TAF3: variants seen among roughly 807,000 people sequenced by gnomAD.
TAF3 encodes the protein transcription initiation factor TFIID subunit 3.
Under a neutral mutation model 80.6 loss-of-function variants are expected in TAF3, and 7 were observed. The ratio of observed to expected loss-of-function variants is 0.09; its 90% CI spans 0.05 to 0.16. TAF3 has a LOEUF of 0.16. Among genes scored for constraint, TAF3 ranks in the 10% least tolerant of loss-of-function variants. The pLI, the probability that TAF3 is intolerant of heterozygous loss-of-function variation, is 1.00. For missense variants in TAF3, 921 were observed against 1,140.2 expected, an observed-to-expected ratio of 0.81 and a Z score of 2.77; for synonymous variants, 444 against 446.1, an observed-to-expected ratio of 1.00 and a Z score of 0.06.
intron 4 of TAF3, among the ~76,000 whole-genome samples, chr10:7,996,201 G>C (rs1831885659): frequency 6.6e-6 from 1 of 152,134 alleles, no homozygotes; most frequent in South Asian, 2.1e-4. Flanking sequence ...TCTGCAAGCT[G>C]GTGACTGGGA....
At chr10:8,004,622 A>G (rs1283679228) in intron 4 of TAF3, among the ~76,000 whole-genome samples, 1 of 152,130 alleles carries the variant, frequency 6.6e-6, no homozygotes, top group East Asian at 1.9e-4. Flanking sequence ...TCTAGATTTC[A>G]TCATTGCTAA....
intron 3 of TAF3, 141 bp downstream of exon 3, chr10:7,965,883 A>G (rs1204642630): frequency 2.3e-6 from 3 of 1,303,726 alleles, no homozygotes; most frequent in Non-Finnish European, 3.0e-6. Context: ...TGAGGTTACA[A>G]AATTTGATTT....
intron 3 of TAF3, among the ~76,000 whole-genome samples, chr10:7,974,367 G>A (rs1176056824): frequency 2.0e-5 from 3 of 152,192 alleles, no homozygotes; most frequent in Admixed American, 2.0e-4. Context: ...TAAGATTTCA[G>A]TGTGATGAGA....
chr10:7,980,362 T>G (rs1831715123), intron 4 of TAF3, among the ~76,000 whole-genome samples: 1 of 152,198 alleles, frequency 6.6e-6, no homozygotes, highest in Non-Finnish European at 1.5e-5. Flanking sequence ...AAAAGTACTT[T>G]GAGCTTGGAT....
intron 4 of TAF3, among the ~76,000 whole-genome samples, chr10:7,980,237 A>G (rs1293196617): frequency 1.3e-5 from 2 of 152,186 alleles, no homozygotes; most frequent in Non-Finnish European, 2.9e-5. Context: ...GAAATTAGGA[A>G]AAACGAAAAA....
chr10:8,014,508 G>A, intron 6 of TAF3, 129 bp from the exon 7 acceptor site: 1 of 726,896 alleles, frequency 1.4e-6, no homozygotes, highest in Admixed American at 2.8e-5. Flanking sequence ...CTACACACAA[G>A]TTAGTGCTGC....
intron 3 of TAF3, among the ~76,000 whole-genome samples, chr10:7,967,169 G>A (rs764647603): frequency 6.6e-6 from 1 of 152,214 alleles, no homozygotes; most frequent in Non-Finnish European, 1.5e-5. Flanking sequence ...TTACACTGCA[G>A]AGAGACTTCA....
chr10:7,875,765 G>T (rs998867791), intron 2 of TAF3, among the ~76,000 whole-genome samples: 1 of 152,026 alleles, frequency 6.6e-6, no homozygotes, highest in African/African-American at 2.4e-5. Context: ...AAAAGAAAGA[G>T]GAGAAATCTT....
At chr10:8,006,132 C>A (rs1831989063) in intron 4 of TAF3, among the ~76,000 whole-genome samples, 1 of 151,202 alleles carries the variant, frequency 6.6e-6, no homozygotes, top group South Asian at 2.1e-4. Flanking sequence ...GAGTTTGAGA[C>A]CAGCCTGCCC....
At chr10:7,821,300 C>G (rs1229415568) in intron 1 of TAF3, among the ~76,000 whole-genome samples, 1 of 152,108 alleles carries the variant, frequency 6.6e-6, no homozygotes, top group African/African-American at 2.4e-5. Context: ...ATTCTAAAAT[C>G]AAATTCTGTA....
chr10:7,935,516 G>A (rs1399020411), intron 2 of TAF3, among the ~76,000 whole-genome samples: 3 of 143,116 alleles, frequency 2.1e-5, no homozygotes, highest in East Asian at 2.1e-4. Context: ...CCCGGGAGGC[G>A]GAGCTTGCAG....
In TAF3 at chr10:8,009,427, T is replaced by G; in HGVS notation, c.2568+97T>G. 1 of 1,413,308 alleles carries G rather than the reference T, an allele frequency of 7.1e-7. No homozygotes were observed. The highest frequency in any genetic ancestry group is 1.3e-5 in the South Asian group (1 of 76,696). 87.5% of individuals were successfully genotyped at this position (1,413,308 alleles called of 1,614,324 possible). A position where few individuals can be genotyped will look rare whatever the true frequency, so the allele number is the denominator to read the frequency against. On this transcript the variant is annotated intron_variant, in intron 5 of 6. Transcript: ENST00000344293. The surrounding 1 kb of genome is among the most constrained non-coding windows in gnomAD (Gnocchi z 4.1). ...CTATCGAATTTCAGACGCATTTCTC[T>G]TCAAAATTTTATTATTTACTTAATT...
At chr10:7,909,059 AGCCGTC>A (rs1293265765) in intron 2 of TAF3, among the ~76,000 whole-genome samples, 1 of 152,234 alleles carries the variant, frequency 6.6e-6, no homozygotes, top group African/African-American at 2.4e-5. Flanking sequence ...GTCCCTTACC[AGCCGTC>A]GCTGGGCCTG....
At chr10:7,879,097 G>A (rs1184444337) in intron 2 of TAF3, among the ~76,000 whole-genome samples, 1 of 152,120 alleles carries the variant, frequency 6.6e-6, no homozygotes, top group Non-Finnish European at 1.5e-5. Flanking sequence ...GAAGCTAAGA[G>A]TTTAAAAATT....
chr10:7,999,397 A>G (rs993010969), intron 4 of TAF3, among the ~76,000 whole-genome samples: 1 of 151,210 alleles, frequency 6.6e-6, no homozygotes, highest in African/African-American at 2.4e-5. Flanking sequence ...ACCCAAAACT[A>G]CGTACCAACC....
chr10:7,977,753 A>C (rs1831688117), intron 4 of TAF3, among the ~76,000 whole-genome samples: 3 of 152,218 alleles, frequency 2.0e-5, no homozygotes, highest in Admixed American at 6.5e-5. Context: ...ACATGGTTTT[A>C]TTCTGTACCT....
chr10:8,000,194 A>G (rs556350222), intron 4 of TAF3, among the ~76,000 whole-genome samples: 1 of 152,178 alleles, frequency 6.6e-6, no homozygotes, highest in Admixed American at 6.5e-5. Context: ...CAGTGGCACT[A>G]TCTCAGCTCA....
rs539630046 is a variant in TAF3 at position 7,981,908 on chromosome 10, A to T, written c.2315+4585A>T. On this transcript the variant is annotated intron_variant, in intron 4 of 6. Transcript: ENST00000344293. ...CTTTGCTTGTTAATCTTTAAAATCAATATGTATAGACACTTGTCTTTGAGT... is the reference window on the plus strand; with the variant it reads ...CTTTGCTTGTTAATCTTTAAAATCATTATGTATAGACACTTGTCTTTGAGT... Among the ~76,000 whole-genome samples, 3 of 152,346 alleles carry T rather than the reference A, an allele frequency of 2.0e-5. No homozygotes were observed. In the South Asian group the frequency reaches 6.2e-4, roughly 32 times the overall value.
chr10:7,863,484 C>T (rs1837168530), intron 2 of TAF3, among the ~76,000 whole-genome samples: 2 of 150,610 alleles, frequency 1.3e-5, no homozygotes, highest in South Asian at 2.1e-4. Flanking sequence ...GTGGTGCACA[C>T]CTGTTATCCC....
Sources: gnomAD v4.1 joint callset for allele counts (sites outside exome capture counted in the v4.1 genomes callset) on GRCh38, gnomAD v4.1.1 for gene constraint, Gnocchi (gnomAD v3.1) non-coding constraint, MANE v1.5 for transcripts, NCBI Gene and HGNC (gene_info 2026-07-23, HGNC 2026-07-21) for gene names.